MYO3B: variants seen among roughly 807,000 people sequenced by gnomAD.
MYO3B encodes myosin IIIB.
MYO3B carries 156 observed loss-of-function variants against 174.6 expected under a neutral mutation model. That is an observed-to-expected ratio of 0.89 (90% confidence interval 0.78 to 1.02). MYO3B has a LOEUF of 1.02. MYO3B is among the 50% of genes least tolerant of loss of function. MYO3B has a pLI of 0.00. For missense variants in MYO3B, 1,632 were observed against 1,639.4 expected, an observed-to-expected ratio of 1.00 and a Z score of 0.08; for synonymous variants, 563 against 569.1, an observed-to-expected ratio of 0.99 and a Z score of 0.15.
intron 6 of MYO3B, among the ~76,000 whole-genome samples, chr2:170,217,768 C>G (rs996152878): frequency 6.6e-6 from 1 of 152,218 alleles, no homozygotes; most frequent in Non-Finnish European, 1.5e-5. Context: ...CAGATTTCAG[C>G]ACCAACTGGC....
At chr2:170,537,979 C>T (rs1190619269) in intron 30 of MYO3B, among the ~76,000 whole-genome samples, 6 of 152,172 alleles carry the variant, frequency 3.9e-5, no homozygotes, top group African/African-American at 1.4e-4. Context: ...CTCAGTTTCT[C>T]TCCAAGCCAT....
At chr2:170,530,509 G>T (rs151246240) in intron 30 of MYO3B, among the ~76,000 whole-genome samples, 9 of 152,154 alleles carry the variant, frequency 5.9e-5, no homozygotes, top group African/African-American at 1.9e-4. Flanking sequence ...AATCTGAGGG[G>T]TTCTGCTTGG....
intron 17 of MYO3B, 90 bp downstream of exon 17, chr2:170,400,404 T>TTC (rs1234543805): frequency 5.9e-6 from 4 of 682,040 alleles, no homozygotes; most frequent in Middle Eastern, 7.5e-4. Context: ...TGCTGGTCCT[T>TTC]TTTTTTTTTT....
intron 28 of MYO3B, among the ~76,000 whole-genome samples, chr2:170,511,041 A>G (rs1687946258): frequency 1.3e-5 from 2 of 150,356 alleles, no homozygotes; most frequent in African/African-American, 4.9e-5. Context: ...TGCTATAAAC[A>G]TTTAGAGCAT....
At chr2:170,486,658 A>T (rs1445101981) in intron 25 of MYO3B, among the ~76,000 whole-genome samples, 1 of 152,212 alleles carries the variant, frequency 6.6e-6, no homozygotes, top group African/African-American at 2.4e-5. Context: ...GTTAGAAGGA[A>T]TCTTGAAGGG....
At chr2:170,518,787 C>CT (rs1245968290) in intron 29 of MYO3B, among the ~76,000 whole-genome samples, 1 of 152,144 alleles carries the variant, frequency 6.6e-6, no homozygotes, top group Non-Finnish European at 1.5e-5. Flanking sequence ...GTTGATGCTA[C>CT]TTGTTGGGCC....
chr2:170,593,347 C>G (rs920549564), intron 32 of MYO3B, among the ~76,000 whole-genome samples: 5 of 152,192 alleles, frequency 3.3e-5, no homozygotes, highest in Non-Finnish European at 5.9e-5. Context: ...ACGCGATCCT[C>G]CCACCTTGGC....
At position 170,553,934 on chromosome 2, in the gene MYO3B, G is replaced by A. The variant is rs116355072; in HGVS notation, c.3733+9946G>A. Reference sequence around the variant, plus strand: ...CCCCTTCCCTCTGTCCTGCTGACATGTGAAAACGTGCTTGCTTTCCCTTTA... The same window carrying A: ...CCCCTTCCCTCTGTCCTGCTGACATATGAAAACGTGCTTGCTTTCCCTTTA... On this transcript the variant is annotated intron_variant, in intron 32 of 34. Coordinates refer to ENST00000408978, the MANE Select transcript of MYO3B (RefSeq NM_138995.5). Among the ~76,000 whole-genome samples the A allele has an allele frequency of 8.2e-3, 1,247 of 152,220 alleles. 15 individuals are homozygous for A. The highest frequency in any genetic ancestry group is 0.028 in the African/African-American group (1,182 of 41,514).
chr2:170,446,433 A>G (rs1479893672), intron 23 of MYO3B, among the ~76,000 whole-genome samples: 2 of 152,100 alleles, frequency 1.3e-5, no homozygotes, highest in African/African-American at 2.4e-5. Flanking sequence ...TCCCTGTACT[A>G]TCTACCATGG....
chr2:170,439,200 G>A (rs1007121305), intron 22 of MYO3B, among the ~76,000 whole-genome samples: 9 of 150,616 alleles, frequency 6.0e-5, no homozygotes, highest in East Asian at 4.0e-4. Flanking sequence ...GTGAAAACCC[G>A]TCTCTACTAA....
chr2:170,560,862 T>C (rs563465683), intron 32 of MYO3B, among the ~76,000 whole-genome samples: 19 of 152,338 alleles, frequency 1.2e-4, no homozygotes, highest in African/African-American at 4.1e-4. Flanking sequence ...CTCATTAGCC[T>C]GGGTGAATGC....
intron 3 of MYO3B, among the ~76,000 whole-genome samples, chr2:170,202,244 C>T (rs764857630): frequency 1.3e-5 from 2 of 152,222 alleles, no homozygotes; most frequent in Non-Finnish European, 2.9e-5. Flanking sequence ...CCCTGAGACA[C>T]TGAATTATTC....
rs1355997435 is a variant in MYO3B, at chr2:170,199,385, A to G, written c.180A>G (p.Pro60=). Residue 60 remains proline, a synonymous_variant, in exon 2 of 35, where the codon CCA becomes CCG. Coordinates refer to ENST00000408978, the MANE Select transcript of MYO3B (RefSeq NM_138995.5). ...GSLAAVKILD[P]VSDMDEEIEA... ...TGGCTGCAGTGAAAATTCTGGATCC[A>G]GTCAGTGTAAGTAACAGTTGTAAAT... 5 of 1,606,940 alleles carry G rather than the reference A, an allele frequency of 3.1e-6. No individual in the cohort carries two copies. The Admixed American group carries it at 6.8e-5, about 22-fold the overall frequency.
intron 8 of MYO3B, among the ~76,000 whole-genome samples, chr2:170,365,261 A>G (rs538857269): frequency 6.6e-6 from 1 of 152,294 alleles, no homozygotes; most frequent in East Asian, 1.9e-4. Context: ...ACCTCTTAAA[A>G]GAGGGGCTAG....
chr2:170,426,372 G>A (rs1207829030), intron 22 of MYO3B, among the ~76,000 whole-genome samples: 1 of 146,006 alleles, frequency 6.8e-6, no homozygotes, highest in African/African-American at 2.5e-5. Flanking sequence ...GTCTCTCTCT[G>A]TCACCCAGGC....
At chr2:170,493,076 T>C (rs763783544) in intron 25 of MYO3B, among the ~76,000 whole-genome samples, 4 of 152,190 alleles carry the variant, frequency 2.6e-5, no homozygotes, top group Non-Finnish European at 4.4e-5. Context: ...GCCAAGAAAT[T>C]AACCACCGTT....
chr2:170,511,206 C>A lies in MYO3B; in HGVS notation c.3371-3715C>A, dbSNP rs535682735. 5.3e-5 allele frequency among the ~76,000 whole-genome samples: 8 copies of A among 151,904 alleles called. No homozygotes were observed. In the South Asian group the frequency reaches 1.7e-3, roughly 32 times the overall value. On this transcript the variant is annotated intron_variant, in intron 28 of 34. Transcript: ENST00000408978. ...TCCCAAGTAGCTGGGACTACAGGCG[C>A]CCGCCACCACGCCCAGCTAATTTTT...
chr2:170,253,166 G>A (rs141138207), intron 7 of MYO3B, among the ~76,000 whole-genome samples: 2 of 152,170 alleles, frequency 1.3e-5, no homozygotes, highest in Admixed American at 6.5e-5. Context: ...AAGGTAAGAG[G>A]CTCTTGTCAT....
intron 32 of MYO3B, among the ~76,000 whole-genome samples, chr2:170,624,246 C>T (rs571776211): frequency 1.3e-5 from 2 of 152,284 alleles, no homozygotes; most frequent in South Asian, 2.1e-4. Context: ...TCTTTTATTT[C>T]GTAGAGCAGT....
Sources: allele counts gnomAD v4.1 joint callset (sites outside exome capture counted in the v4.1 genomes callset), GRCh38; gene constraint gnomAD v4.1.1; transcripts MANE v1.5; gene names NCBI Gene and HGNC (gene_info 2026-07-23, HGNC 2026-07-21).